PDSS2: variants seen among roughly 807,000 people sequenced by gnomAD.
PDSS2 encodes all trans-polyprenyl-diphosphate synthase PDSS2.
In PDSS2, 31 loss-of-function variants were observed where a neutral mutation model predicts 44.5. The ratio of observed to expected loss-of-function variants is 0.70; its 90% CI spans 0.52 to 0.94. The LOEUF (loss-of-function observed/expected upper bound fraction) is 0.94, where lower values mean the gene tolerates loss of function less well. Ranked by LOEUF, PDSS2 falls within the 40% of genes least tolerant of loss-of-function variation. The pLI is 0.00. For missense variants in PDSS2, 452 were observed against 482.2 expected (o/e 0.94, Z 0.59); for synonymous variants, 157 against 180.3 (o/e 0.87, Z 1.03).
intron 2 of PDSS2, among the ~76,000 whole-genome samples, chr6:107,331,888 A>G (rs1444959315): frequency 1.3e-5 from 2 of 152,088 alleles, no homozygotes; most frequent in African/African-American, 4.8e-5. Flanking sequence ...CCAAATATAC[A>G]AGCAGATGAC....
chr6:107,260,003 T>C (rs1015516494), intron 3 of PDSS2, among the ~76,000 whole-genome samples: 1 of 152,188 alleles, frequency 6.6e-6, no homozygotes, highest in African/African-American at 2.4e-5. Flanking sequence ...CTGAAAATGG[T>C]CCCAGAACAA....
intron 7 of PDSS2, among the ~76,000 whole-genome samples, chr6:107,176,429 TACACACACACAC>T (rs71012784): frequency 2.7e-5 from 4 of 149,688 alleles, no homozygotes; most frequent in Admixed American, 6.7e-5. Flanking sequence ...CACACACACA[TACACACACACAC>T]ACACACACAC....
intron 2 of PDSS2, among the ~76,000 whole-genome samples, chr6:107,288,980 G>C (rs1358177400): frequency 1.3e-5 from 2 of 149,902 alleles, no homozygotes; most frequent in African/African-American, 4.9e-5. Flanking sequence ...GGCTGGTCTC[G>C]AACTGCTCAC....
intron 1 of PDSS2, among the ~76,000 whole-genome samples, chr6:107,444,194 C>T (rs1781596785): frequency 6.6e-6 from 1 of 151,886 alleles, no homozygotes; most frequent in Non-Finnish European, 1.5e-5. Context: ...CACCCAGCTA[C>T]TTTTTAATTT....
At chr6:107,390,972 C>A (rs1779760732) in intron 1 of PDSS2, among the ~76,000 whole-genome samples, 2 of 151,148 alleles carry the variant, frequency 1.3e-5, no homozygotes, top group South Asian at 4.2e-4. Flanking sequence ...ATTTTTTTAA[C>A]CTTTTTTGGA....
chr6:107,222,162 A>G (rs1209900394), intron 4 of PDSS2, among the ~76,000 whole-genome samples: 1 of 152,176 alleles, frequency 6.6e-6, no homozygotes, highest in Non-Finnish European at 1.5e-5. Flanking sequence ...TGGACAGCCA[A>G]AAATTTACAT....
chr6:107,197,695 T>C (rs1327311662), intron 6 of PDSS2: 1 of 376,762 alleles, frequency 2.7e-6, no homozygotes, highest in Non-Finnish European at 5.5e-6. Context: ...AAACTGGGAG[T>C]CCTAGAGAAT....
intron 1 of PDSS2, among the ~76,000 whole-genome samples, chr6:107,421,836 A>AC (rs10680778): frequency 3.3e-5 from 5 of 150,878 alleles, no homozygotes; most frequent in South Asian, 2.1e-4. Flanking sequence ...ACACACACAC[A>AC]AACGAATGCA....
At chr6:107,422,940 A>G (rs950663487) in intron 1 of PDSS2, among the ~76,000 whole-genome samples, 1 of 152,150 alleles carries the variant, frequency 6.6e-6, no homozygotes. Context: ...TGCTAAAAGC[A>G]CTACATAATT....
rs1554245132 is a variant in PDSS2, at chr6:107,154,573, C to T, written c.*46G>A. The T allele has an allele frequency of 1.3e-6, 2 of 1,590,622 alleles. No homozygotes were observed. The highest frequency in any genetic ancestry group is 1.1e-5 in the South Asian group (1 of 90,430). The stretch of plus-strand genomic sequence containing the variant: ...AAAGCGCTCCCAATCAACCTCATTC[C>T]CTAGGATTTTCAGCTAACTAACAAT... On this transcript the variant is annotated 3_prime_UTR_variant, in exon 8 of 8. Transcript: ENST00000369037.
chr6:107,222,178 A>T lies in PDSS2; in HGVS notation c.703-9896T>A, dbSNP rs1044630438. Among the ~76,000 whole-genome samples the T allele has an allele frequency of 9.2e-5, 14 of 152,094 alleles. No homozygotes were observed. The East Asian group carries it at 1.2e-3, about 13-fold the overall frequency. ...GGACAGCCAAAAATTTACATACCTT[A>T]TTATTTTTTTTAAAAAAGGTCAAGT... On this transcript the variant is annotated intron_variant, in intron 4 of 7. Coordinates refer to ENST00000369037, the MANE Select transcript of PDSS2 (RefSeq NM_020381.4).
chr6:107,177,333 G>A (rs1299383576), intron 7 of PDSS2, among the ~76,000 whole-genome samples: 1 of 152,092 alleles, frequency 6.6e-6, no homozygotes, highest in Non-Finnish European at 1.5e-5. Context: ...GTTTTGCCAT[G>A]TTGGTCAGGC....
rs1393233507 is a variant in PDSS2, at chr6:107,437,684, T to C, written c.296+21306A>G. Among the ~76,000 whole-genome samples, 3 of 151,876 alleles carry C rather than the reference T, an allele frequency of 2.0e-5. No homozygotes were observed. The East Asian group carries it at 5.8e-4, about 30-fold the overall frequency. The stretch of plus-strand genomic sequence containing the variant: ...GCCTGTGTATTATGAAAAATTGGCC[T>C]CCCTGCACACGAGCTTCACATTCCC... On this transcript the variant is annotated intron_variant, in intron 1 of 7. Coordinates refer to ENST00000369037, the MANE Select transcript of PDSS2 (RefSeq NM_020381.4).
At chr6:107,158,797 C>T (rs889820620) in intron 7 of PDSS2, among the ~76,000 whole-genome samples, 3 of 151,720 alleles carry the variant, frequency 2.0e-5, no homozygotes, top group Non-Finnish European at 4.4e-5. Flanking sequence ...GGTGCAACCT[C>T]GACTCACTGA....
At chr6:107,158,186 CTTTT>C (rs35734800) in intron 7 of PDSS2, among the ~76,000 whole-genome samples, 2 of 136,730 alleles carry the variant, frequency 1.5e-5, no homozygotes, top group Non-Finnish European at 1.6e-5. Context: ...GGTTTTCTTT[CTTTT>C]TTTTTTTTTT....
intron 1 of PDSS2, among the ~76,000 whole-genome samples, chr6:107,357,204 T>C (rs1232534631): frequency 2.6e-5 from 4 of 152,140 alleles, no homozygotes; most frequent in Non-Finnish European, 5.9e-5. Context: ...GCACATAAAA[T>C]AGGGCTTCAT....
chr6:107,299,691 G>C (rs1186389354), intron 2 of PDSS2, among the ~76,000 whole-genome samples: 1 of 152,142 alleles, frequency 6.6e-6, no homozygotes, highest in Non-Finnish European at 1.5e-5. Flanking sequence ...TTGTATAGGA[G>C]TTTTTCTAAA....
chr6:107,280,924 C>T (rs1451230656), intron 2 of PDSS2, among the ~76,000 whole-genome samples: 2 of 152,070 alleles, frequency 1.3e-5, no homozygotes, highest in Non-Finnish European at 2.9e-5. Context: ...TTTGGAGTGG[C>T]AATGGTCCTC....
intron 4 of PDSS2, among the ~76,000 whole-genome samples, chr6:107,212,730 G>A (rs1451960628): frequency 6.6e-6 from 1 of 151,896 alleles, no homozygotes; most frequent in Non-Finnish European, 1.5e-5. Flanking sequence ...ATAAGGCTGG[G>A]CATGGTGGCT....
Sources: gnomAD v4.1 joint callset for allele counts (sites outside exome capture counted in the v4.1 genomes callset) on GRCh38, gnomAD v4.1.1 for gene constraint, MANE v1.5 for transcripts, NCBI Gene and HGNC (gene_info 2026-07-23, HGNC 2026-07-21) for gene names.